PUM1: variants seen among roughly 807,000 people sequenced by gnomAD.
PUM1 encodes the protein pumilio homolog 1.
In PUM1, 13 loss-of-function variants were observed where a neutral mutation model predicts 131.8. The ratio of observed to expected loss-of-function variants is 0.10; its 90% CI spans 0.06 to 0.16. PUM1 has a LOEUF of 0.16. PUM1 is among the 10% of genes least tolerant of loss of function. The pLI, the probability that PUM1 is intolerant of heterozygous loss-of-function variation, is 1.00. For missense variants in PUM1, 961 were observed against 1,512.4 expected (o/e 0.64, Z 6.05); for synonymous variants, 509 against 556.5 (o/e 0.91, Z 1.20).
chr1:31,007,064 T>G lies in PUM1; in HGVS notation c.471A>C (p.Glu157Asp), dbSNP rs1642421553. ...TTCCTTTTGGTCCATCTTTGCTGGA[T>G]TCATCTGTTTCCCAAAACTTTTTAC... ...LPGKKFWETDESSKDGPKGIF... is the reference protein window; with the variant it reads ...LPGKKFWETDDSSKDGPKGIF... Residue 157 changes from glutamate (E) to aspartate (D), a missense_variant, in exon 4 of 22, where the codon GAA (glutamate) becomes GAC (aspartate). Glu to Asp is a conservative substitution (Grantham distance 45). Around this residue, in one of 4 missense-constraint regions of PUM1, gnomAD observed 654 missense variants for 923.9 expected, o/e 0.71. Coordinates refer to ENST00000426105, the MANE Select transcript of PUM1 (RefSeq NM_001020658.2). 2 of 1,613,958 alleles carry G rather than the reference T, an allele frequency of 1.2e-6. No homozygotes were observed. Among genetic ancestry groups the G allele is most frequent in the South Asian group, 2.2e-5 (2 of 91,080 alleles).
At chr1:30,945,504 A>G (rs1252032481) in intron 17 of PUM1, 21 bp from the exon 18 acceptor site, 4 of 1,613,584 alleles carry the variant, frequency 2.5e-6, no homozygotes, top group African/African-American at 1.3e-5. Context: ...CAAAGAAAGC[A>G]CCACCAGAAT....
intron 16 of PUM1, among the ~76,000 whole-genome samples, 198 bp from the exon 17 acceptor site, chr1:30,950,459 C>T (rs1227853639): frequency 6.6e-6 from 1 of 152,204 alleles, no homozygotes; most frequent in Non-Finnish European, 1.5e-5. Context: ...ATGAGTAACC[C>T]TTTTTAATGT....
chr1:30,950,392 AC>A (rs2124409425), intron 16 of PUM1, 131 bp from the exon 17 acceptor site: 1 of 884,140 alleles, frequency 1.1e-6, no homozygotes, highest in African/African-American at 1.7e-5. Flanking sequence ...GATTAACTAA[AC>A]CTTTTATTTA....
intron 2 of PUM1, among the ~76,000 whole-genome samples, chr1:31,045,695 G>A (rs1310029715): frequency 6.6e-6 from 1 of 152,234 alleles, no homozygotes; most frequent in East Asian, 1.9e-4. Context: ...TATTAAGAAA[G>A]GTACTTGGAC....
At chr1:30,972,000 A>G (rs1640888559) in intron 10 of PUM1, among the ~76,000 whole-genome samples, 1 of 151,916 alleles carries the variant, frequency 6.6e-6, no homozygotes, top group South Asian at 2.1e-4. Flanking sequence ...TCACACCTGT[A>G]ACCCAGCACT....
At chr1:31,005,071 C>T (rs116515300) in intron 5 of PUM1, among the ~76,000 whole-genome samples, 204 of 152,198 alleles carry the variant, frequency 1.3e-3, no homozygotes, top group African/African-American at 4.8e-3. Context: ...TGACAACAGT[C>T]GCAGAATTCA....
intron 2 of PUM1, among the ~76,000 whole-genome samples, chr1:31,050,289 A>T (rs1644077813): frequency 6.6e-6 from 1 of 152,048 alleles, no homozygotes; most frequent in Admixed American, 6.6e-5. Context: ...GTTTAAAACC[A>T]GCCTGGACAA....
intron 2 of PUM1, among the ~76,000 whole-genome samples, chr1:31,043,576 C>G (rs567157742): frequency 1.0e-3 from 154 of 152,186 alleles, no homozygotes; most frequent in Admixed American, 1.8e-3. Flanking sequence ...AATGAACTGT[C>G]CCCTTGTTAA....
At chr1:30,968,925 G>A (rs1197567468) in intron 10 of PUM1, among the ~76,000 whole-genome samples, 1 of 152,178 alleles carries the variant, frequency 6.6e-6, no homozygotes, top group Non-Finnish European at 1.5e-5. Context: ...TGTCCTCATG[G>A]AGCTTTTATT....
intron 9 of PUM1, among the ~76,000 whole-genome samples, chr1:30,979,779 G>A (rs1641286470): frequency 6.6e-6 from 1 of 152,148 alleles, no homozygotes; most frequent in African/African-American, 2.4e-5. Flanking sequence ...GGAGATCTGG[G>A]CAAGGGGGGA....
At chr1:30,973,257 A>AAG (rs1641000858) in intron 10 of PUM1, among the ~76,000 whole-genome samples, 1 of 151,802 alleles carries the variant, frequency 6.6e-6, no homozygotes, top group African/African-American at 2.4e-5. Context: ...GAATCTAAAA[A>AAG]AAAAAAAAAA....
At chr1:30,937,977 G>A (rs1031256811) in intron 20 of PUM1, among the ~76,000 whole-genome samples, 31 of 151,978 alleles carry the variant, frequency 2.0e-4, no homozygotes, top group Non-Finnish European at 3.8e-4. Flanking sequence ...TCACCATGTT[G>A]GTCAGGCTGG....
intron 10 of PUM1, among the ~76,000 whole-genome samples, chr1:30,973,557 C>T (rs965391973): frequency 2.6e-5 from 4 of 152,048 alleles, no homozygotes; most frequent in African/African-American, 9.7e-5. Flanking sequence ...AATAAAGTAT[C>T]GTTTGGTGGA....
chr1:31,001,132 C>T (rs775578298), intron 5 of PUM1, among the ~76,000 whole-genome samples: 5 of 151,764 alleles, frequency 3.3e-5, no homozygotes, highest in Non-Finnish European at 5.9e-5. Context: ...TGCAGTGAGC[C>T]GAGATTGCGC....
intron 5 of PUM1, among the ~76,000 whole-genome samples, chr1:30,999,500 G>A (rs1049473103): frequency 5.3e-5 from 8 of 150,224 alleles, no homozygotes; most frequent in East Asian, 2.0e-4. Flanking sequence ...CCAGCTACTC[G>A]GGAGGCTGAG....
At chr1:30,972,087 A>G (rs972521567) in intron 10 of PUM1, among the ~76,000 whole-genome samples, 4 of 150,114 alleles carry the variant, frequency 2.7e-5, no homozygotes, top group African/African-American at 9.8e-5. Context: ...AAACCCTGTC[A>G]CTACCAAAAA....
chr1:30,962,489 T>C (rs946608234), intron 14 of PUM1, among the ~76,000 whole-genome samples: 1 of 152,182 alleles, frequency 6.6e-6, no homozygotes, highest in African/African-American at 2.4e-5. Context: ...CTCAGCTCAC[T>C]GCAGCCTGTC....
intron 15 of PUM1, among the ~76,000 whole-genome samples, chr1:30,952,595 T>C (rs558231106): frequency 6.8e-6 from 1 of 147,708 alleles, no homozygotes; most frequent in Admixed American, 6.9e-5. Context: ...AAATTACATA[T>C]AAATGTTGGC....
chr1:31,064,513 T>G (rs1644437810), intron 1 of PUM1, among the ~76,000 whole-genome samples: 2 of 152,044 alleles, frequency 1.3e-5, no homozygotes. Context: ...AGTTTTTAGG[T>G]GCTTTCAAGA....
Sources: allele counts gnomAD v4.1 joint callset (sites outside exome capture counted in the v4.1 genomes callset), GRCh38; gene constraint gnomAD v4.1.1; regional missense constraint gnomAD v4.1.1; transcripts MANE v1.5; gene names NCBI Gene and HGNC (gene_info 2026-07-23, HGNC 2026-07-21).